Variants in SLC24A2 observed in about 807,000 individuals in gnomAD.
SLC24A2 encodes sodium/potassium/calcium exchanger 2.
A neutral mutation model predicts 62.0 loss-of-function variants in SLC24A2; 36 were observed. The observed-to-expected ratio is 0.58, with a 90% CI of 0.44 to 0.77. The LOEUF is 0.77. Among genes scored for constraint, SLC24A2 ranks in the 30% least tolerant of loss-of-function variants. The probability of loss-of-function intolerance (pLI) is 0.00; values close to 1 mark genes in which losing one functional copy is unlikely to be tolerated. For missense variants in SLC24A2, 846 were observed against 817.9 expected (o/e 1.03, Z -0.42); for synonymous variants, 358 against 294.0 (o/e 1.22, Z -2.23).
the SLC24A2 span, among the ~76,000 whole-genome samples, chr9:19,892,171 T>A: frequency 2.0e-5 from 3 of 152,158 alleles, no homozygotes; most frequent in Non-Finnish European, 4.4e-5. Context: ...TTTTTCCCTA[T>A]AATCTTTGAA....
At chr9:19,855,152 C>T in the SLC24A2 span, among the ~76,000 whole-genome samples, 2 of 152,124 alleles carry the variant, frequency 1.3e-5, no homozygotes, top group East Asian at 1.9e-4. Context: ...GCAAATTTCC[C>T]TCTATCTCTT....
the SLC24A2 span, among the ~76,000 whole-genome samples, chr9:20,244,904 T>A: frequency 6.6e-6 from 1 of 152,222 alleles, no homozygotes; most frequent in Admixed American, 6.5e-5. Context: ...AGCATCATTA[T>A]TTGCTCACAT....
the SLC24A2 span, among the ~76,000 whole-genome samples, chr9:19,917,275 T>C: frequency 9.9e-5 from 15 of 151,538 alleles, no homozygotes; most frequent in African/African-American, 3.6e-4. Context: ...TTTCCTGAAT[T>C]TTTAGCCATA....
In SLC24A2 at chr9:19,516,159, G is replaced by A; in HGVS notation, c.1980C>T (p.Ser660=). 6.2e-7 allele frequency: 1 copy of A among 1,614,170 alleles called. No individual in the cohort carries two copies. The highest frequency in any genetic ancestry group is 1.3e-5 in the African/African-American group (1 of 75,058). ...CAAGATATGGCTTTTCCTGCTAGAT[G>A]GAGACGGGGCATGTAAGAATTCTGT... ...LEDRILTCPV[S]I is the part of the protein sequence containing the mutation. The change falls in exon 11 of 11, where the codon TCC becomes TCT. Residue 660 remains serine (S), a synonymous_variant. Transcript: ENST00000341998.
At chr9:20,207,101 T>G in the SLC24A2 span, among the ~76,000 whole-genome samples, 1 of 152,182 alleles carries the variant, frequency 6.6e-6, no homozygotes, top group Admixed American at 6.5e-5. Context: ...TAACATTCAC[T>G]GAAGGAATAA....
At chr9:19,986,027 C>A in the SLC24A2 span, among the ~76,000 whole-genome samples, 1 of 152,014 alleles carries the variant, frequency 6.6e-6, no homozygotes, top group African/African-American at 2.4e-5. Flanking sequence ...AATCATATAT[C>A]TGATAAGGGC....
At position 19,513,171 on chromosome 9, in the gene SLC24A2, T is replaced by TATATATATAC. The variant is rs1554665712; in HGVS notation, c.*2981_*2982insGTATATATAT. The stretch of plus-strand genomic sequence containing the variant: ...GTATAAAGATATATATATATATATA[T>TATATATATAC]ATATGTATATATATATATATGTATA... On this transcript the variant is annotated 3_prime_UTR_variant, in exon 11 of 11. Transcript: ENST00000341998. The TATATATATAC allele has an allele frequency of 6.7e-5, 4 of 59,918 alleles. No homozygotes were observed. The highest frequency in any genetic ancestry group is 1.1e-4 in the Non-Finnish European group (3 of 28,426). The allele number at this position is 59,918 out of a possible 1,614,324, so 3.7% of individuals were successfully genotyped here.
At chr9:20,110,278 A>G in the SLC24A2 span, among the ~76,000 whole-genome samples, 1 of 152,188 alleles carries the variant, frequency 6.6e-6, no homozygotes, top group Non-Finnish European at 1.5e-5. Flanking sequence ...AATAATTGAC[A>G]TGTAGTATAT....
At chr9:20,146,106 A>G in the SLC24A2 span, among the ~76,000 whole-genome samples, 370 of 152,272 alleles carry the variant, frequency 2.4e-3, 2 homozygotes, top group Middle Eastern at 0.024. Flanking sequence ...ATTCTTGTGA[A>G]TATATTTTTT....
chr9:19,790,392 A>C (rs1210525273), upstream of SLC24A2, among the ~76,000 whole-genome samples: 3 of 152,194 alleles, frequency 2.0e-5, no homozygotes, highest in African/African-American at 7.2e-5. Context: ...ATTTTGAAGC[A>C]AATCCCAGAG....
chr9:20,193,526 T>C, the SLC24A2 span, among the ~76,000 whole-genome samples: 2 of 151,984 alleles, frequency 1.3e-5, no homozygotes, highest in Admixed American at 1.3e-4. Context: ...ATATGTAATG[T>C]ATTTTAACAC....
intron 8 of SLC24A2, among the ~76,000 whole-genome samples, chr9:19,535,751 G>C (rs201094931): frequency 6.6e-6 from 1 of 151,520 alleles, no homozygotes; most frequent in South Asian, 2.1e-4. Context: ...TTTTGGTTAC[G>C]GTAGCCTAGT....
At chr9:20,307,183 T>A in the SLC24A2 span, among the ~76,000 whole-genome samples, 1 of 152,102 alleles carries the variant, frequency 6.6e-6, no homozygotes, top group South Asian at 2.1e-4. Flanking sequence ...CATAAAAAGG[T>A]ACACACAAAA....
the SLC24A2 span, among the ~76,000 whole-genome samples, chr9:20,242,849 G>C: frequency 6.6e-6 from 1 of 152,144 alleles, no homozygotes; most frequent in African/African-American, 2.4e-5. Flanking sequence ...TGGTGATCTA[G>C]TGCTGTCAGC....
intron 2 of SLC24A2, among the ~76,000 whole-genome samples, chr9:19,655,341 C>A: frequency 6.6e-6 from 1 of 152,208 alleles, no homozygotes; most frequent in East Asian, 1.9e-4. Flanking sequence ...AAAACTACCA[C>A]AAGCTGATCC....
At chr9:19,877,551 G>A in the SLC24A2 span, among the ~76,000 whole-genome samples, 5 of 151,708 alleles carry the variant, frequency 3.3e-5, no homozygotes, top group Non-Finnish European at 7.4e-5. Flanking sequence ...TGGAGTGAAG[G>A]AGTATGGGAA....
intron 3 of SLC24A2, among the ~76,000 whole-genome samples, chr9:19,621,691 T>A (rs1488277154): frequency 1.3e-5 from 2 of 152,206 alleles, no homozygotes; most frequent in Non-Finnish European, 2.9e-5. Flanking sequence ...TTATCAATAA[T>A]AACTCGTCAT....
the SLC24A2 span, among the ~76,000 whole-genome samples, chr9:20,235,198 G>T: frequency 6.6e-6 from 1 of 152,200 alleles, no homozygotes; most frequent in African/African-American, 2.4e-5. Context: ...GAGGCAGTCT[G>T]CCTGTTCTCA....
At chr9:19,830,961 G>A in the SLC24A2 span, among the ~76,000 whole-genome samples, 2 of 152,190 alleles carry the variant, frequency 1.3e-5, no homozygotes, top group South Asian at 2.1e-4. Flanking sequence ...GGTATTCTCT[G>A]CTTCCAAGAG....
Sources: allele counts gnomAD v4.1 joint callset (sites outside exome capture counted in the v4.1 genomes callset), GRCh38; gene constraint gnomAD v4.1.1; transcripts MANE v1.5; gene names NCBI Gene and HGNC (gene_info 2026-07-23, HGNC 2026-07-21).